Variants in RGS6 observed in about 807,000 individuals in gnomAD.
The protein encoded by RGS6 is regulator of G protein signaling 6, also known as regulator of G-protein signaling 6.
Under a neutral mutation model 78.5 loss-of-function variants are expected in RGS6, and 30 were observed. That is an observed-to-expected ratio of 0.38 (90% CI 0.29 to 0.52). The LOEUF (loss-of-function observed/expected upper bound fraction) is 0.52, where lower values mean the gene tolerates loss of function less well. RGS6 is among the 20% of genes least tolerant of loss of function. The pLI, the probability that RGS6 is intolerant of heterozygous loss-of-function variation, is 0.85. For missense variants in RGS6, 495 were observed against 609.7 expected, an observed-to-expected ratio of 0.81 and a Z score of 1.98; for synonymous variants, 206 against 206.0, an observed-to-expected ratio of 1.00 and a Z score of 0.00.
chr14:72,620,643 A>T, the RGS6 span, among the ~76,000 whole-genome samples: 1 of 152,094 alleles, frequency 6.6e-6, no homozygotes, highest in Non-Finnish European at 1.5e-5. Flanking sequence ...CCAGGCCCTG[A>T]CCCTTTCTCT....
At chr14:72,180,093 C>G (rs562037576) in intron 2 of RGS6, among the ~76,000 whole-genome samples, 68 of 152,290 alleles carry the variant, frequency 4.5e-4, no homozygotes, top group African/African-American at 1.3e-3. Context: ...GAAGTTTGAG[C>G]CTTTACTGCT....
rs141733984 is a variant in RGS6, at chr14:72,057,915, G to A, written c.84+93040G>A. Among the ~76,000 whole-genome samples, 10 of 152,280 alleles carry A rather than the reference G, an allele frequency of 6.6e-5. No individual in the cohort carries two copies. The East Asian group carries it at 7.7e-4, about 12-fold the overall frequency. The stretch of plus-strand genomic sequence containing the variant: ...TCCAAATACTCTTTCCAAGTCTCTT[G>A]AAGGATGTGCTAGCCTCTGTTTTGA... On this transcript the variant is annotated intron_variant, in intron 2 of 17. Transcript: ENST00000553525.
chr14:72,384,749 A>T (rs1473935792), intron 3 of RGS6, among the ~76,000 whole-genome samples: 3 of 151,674 alleles, frequency 2.0e-5, no homozygotes, highest in African/African-American at 4.8e-5. Context: ...TATTTTTTTT[A>T]TTTTTATTTT....
At chr14:72,010,159 A>C (rs962213482) in intron 2 of RGS6, among the ~76,000 whole-genome samples, 2 of 152,132 alleles carry the variant, frequency 1.3e-5, no homozygotes, top group African/African-American at 4.8e-5. Flanking sequence ...AGTGGTAGCT[A>C]TTCTTACTAT....
intron 2 of RGS6, among the ~76,000 whole-genome samples, chr14:72,134,589 GGAGA>G (rs1426201161): frequency 6.6e-6 from 1 of 152,196 alleles, no homozygotes; most frequent in African/African-American, 2.4e-5. Flanking sequence ...AGAGCTAATA[GGAGA>G]GAGAAAGAGA....
chr14:72,233,668 A>C (rs907327103), intron 2 of RGS6, among the ~76,000 whole-genome samples: 1 of 152,162 alleles, frequency 6.6e-6, no homozygotes, highest in East Asian at 1.9e-4. Flanking sequence ...GGCTGGTTCT[A>C]TACAAACGTT....
chr14:72,544,590 C>T (rs1471765931), intron 17 of RGS6, among the ~76,000 whole-genome samples: 5 of 152,294 alleles, frequency 3.3e-5, no homozygotes, highest in South Asian at 4.1e-4. Flanking sequence ...CTTGGAATTG[C>T]GGCAGGAAGG....
At chr14:72,106,691 C>T (rs191401565) in intron 2 of RGS6, among the ~76,000 whole-genome samples, 6 of 152,172 alleles carry the variant, frequency 3.9e-5, no homozygotes, top group Non-Finnish European at 7.3e-5. Flanking sequence ...ATTAACTTAT[C>T]TTTCAGTCTA....
chr14:72,037,035 A>G (rs571419209), intron 2 of RGS6, among the ~76,000 whole-genome samples: 5 of 152,302 alleles, frequency 3.3e-5, no homozygotes, highest in South Asian at 4.1e-4. Flanking sequence ...AAATACACCA[A>G]TCAGCACTCT....
At chr14:72,586,476 T>A in the RGS6 span, among the ~76,000 whole-genome samples, 2 of 152,344 alleles carry the variant, frequency 1.3e-5, no homozygotes, top group East Asian at 3.9e-4. Flanking sequence ...GCTGGTGTCA[T>A]GCTTCTTGTA....
At chr14:72,210,834 T>G (rs35891790) in intron 2 of RGS6, among the ~76,000 whole-genome samples, 1,929 of 152,294 alleles carry the variant, frequency 0.013, 17 homozygotes, top group Non-Finnish European at 0.019. Flanking sequence ...TTTTGTTTTT[T>G]TTTAAACCAT....
chr14:72,125,177 A>G (rs2096157878), intron 2 of RGS6, among the ~76,000 whole-genome samples: 1 of 152,162 alleles, frequency 6.6e-6, no homozygotes, highest in South Asian at 2.1e-4. Context: ...CTAGCACCTC[A>G]GGAAAGCATG....
chr14:71,904,984 C>T, the RGS6 span, among the ~76,000 whole-genome samples: 3,682 of 147,292 alleles, frequency 0.025, 79 homozygotes, highest in Non-Finnish European at 0.038. Context: ...TAGAAAGTGC[C>T]GATTCCTGGG....
chr14:72,104,851 C>A (rs2095600957), intron 2 of RGS6, among the ~76,000 whole-genome samples: 1 of 152,154 alleles, frequency 6.6e-6, no homozygotes, highest in African/African-American at 2.4e-5. Flanking sequence ...GTACAGAATT[C>A]TGTGTTTTAA....
chr14:72,473,431 G>A (rs555749909), intron 9 of RGS6, among the ~76,000 whole-genome samples: 1 of 152,266 alleles, frequency 6.6e-6, no homozygotes, highest in East Asian at 1.9e-4. Flanking sequence ...GCAACAGAGC[G>A]AGACTCCATC....
At chr14:71,938,785 G>A (rs960154332) in intron 1 of RGS6, among the ~76,000 whole-genome samples, 2 of 152,168 alleles carry the variant, frequency 1.3e-5, no homozygotes, top group African/African-American at 4.8e-5. Context: ...CAGGTTGCAT[G>A]GTGACTTGAT....
At chr14:71,901,517 T>A in the RGS6 span, among the ~76,000 whole-genome samples, 1 of 152,244 alleles carries the variant, frequency 6.6e-6, no homozygotes, top group Non-Finnish European at 1.5e-5. Flanking sequence ...CATGGCTACC[T>A]ATTGGTCTTT....
intron 1 of RGS6, among the ~76,000 whole-genome samples, chr14:71,960,172 CTT>C (rs1198081501): frequency 6.6e-6 from 1 of 152,194 alleles, no homozygotes; most frequent in African/African-American, 2.4e-5. Flanking sequence ...ACAATCCTGA[CTT>C]TCAATGATTC....
chr14:72,430,576 C>A (rs1826449191), intron 3 of RGS6, among the ~76,000 whole-genome samples: 1 of 152,192 alleles, frequency 6.6e-6, no homozygotes, highest in Non-Finnish European at 1.5e-5. Context: ...CTGAGATGTC[C>A]TCAGTTGTAC....
Sources: allele counts gnomAD v4.1 joint callset (sites outside exome capture counted in the v4.1 genomes callset), GRCh38; gene constraint gnomAD v4.1.1; transcripts MANE v1.5; gene names NCBI Gene and HGNC (gene_info 2026-07-23, HGNC 2026-07-21).